The following CSMD1 variants were observed in gnomAD, a reference collection of about 807,000 sequenced individuals.
The protein encoded by CSMD1 is CUB and sushi domain-containing protein 1.
In CSMD1, 213 loss-of-function variants were observed where a neutral mutation model predicts 417.5. That is an observed-to-expected ratio of 0.51 (90% confidence interval 0.46 to 0.57). The LOEUF (loss-of-function observed/expected upper bound fraction) is 0.57, where lower values mean the gene tolerates loss of function less well. Ranked by LOEUF, CSMD1 falls within the 20% of genes least tolerant of loss-of-function variation. The pLI, the probability that CSMD1 is intolerant of heterozygous loss-of-function variation, is 0.00. For synonymous variants in CSMD1, 2,862 were observed against 1,736.8 expected, an observed-to-expected ratio of 1.65 and a Z score of -16.11; for missense variants, 6,923 against 4,529.7, an observed-to-expected ratio of 1.53 and a Z score of -15.17.
intron 6 of CSMD1, among the ~76,000 whole-genome samples, chr8:3,749,857 G>A (rs1797244082): frequency 6.6e-6 from 1 of 151,930 alleles, no homozygotes; most frequent in Admixed American, 6.6e-5. Flanking sequence ...GGTTCGCGGT[G>A]GTTGACAATG....
chr8:4,925,922 G>A (rs1292494914), intron 1 of CSMD1, among the ~76,000 whole-genome samples: 1 of 151,946 alleles, frequency 6.6e-6, no homozygotes, highest in Non-Finnish European at 1.5e-5. Context: ...TATTTCCCTG[G>A]TCATTTGATG....
At chr8:3,425,747 C>G (rs1172506558) in intron 12 of CSMD1, among the ~76,000 whole-genome samples, 1 of 152,090 alleles carries the variant, frequency 6.6e-6, no homozygotes, top group Non-Finnish European at 1.5e-5. Flanking sequence ...TTCGGATACC[C>G]TTTTTCTCTC....
chr8:3,347,622 A>G (rs1008712885), intron 22 of CSMD1, among the ~76,000 whole-genome samples: 6 of 152,216 alleles, frequency 3.9e-5, no homozygotes, highest in African/African-American at 1.2e-4. Flanking sequence ...TGTGCTAGAC[A>G]CAATGCTAGG....
At chr8:2,950,388 T>G (rs991813033) in intron 66 of CSMD1, 45 bp from the exon 67 acceptor site, 1 of 1,155,748 alleles carries the variant, frequency 8.7e-7, no homozygotes, top group Non-Finnish European at 1.3e-6. Flanking sequence ...AGAAAGTTAG[T>G]AATTCAGCCC....
intron 3 of CSMD1, among the ~76,000 whole-genome samples, chr8:4,121,500 A>G (rs1380459472): frequency 1.3e-5 from 2 of 152,156 alleles, no homozygotes; most frequent in Non-Finnish European, 2.9e-5. Flanking sequence ...TCTCACTATA[A>G]TAATATTAAT....
At chr8:3,957,718 A>AT (rs1734133472) in intron 5 of CSMD1, among the ~76,000 whole-genome samples, 1 of 114,012 alleles carries the variant, frequency 8.8e-6, no homozygotes, top group Admixed American at 9.4e-5. Flanking sequence ...AAAAGAGAAA[A>AT]GAAAAAGGAA....
chr8:3,332,418 A>T (rs991250070), intron 23 of CSMD1, among the ~76,000 whole-genome samples: 1 of 152,180 alleles, frequency 6.6e-6, no homozygotes, highest in East Asian at 1.9e-4. Context: ...TTAGCTGGGA[A>T]GAGGAGAGGA....
intron 2 of CSMD1, among the ~76,000 whole-genome samples, chr8:4,443,347 C>A (rs1008401912): frequency 1.3e-5 from 2 of 152,198 alleles, no homozygotes; most frequent in African/African-American, 2.4e-5. Context: ...AATATGCATA[C>A]ACACTGGTCT....
intron 10 of CSMD1, among the ~76,000 whole-genome samples, chr8:3,552,227 G>A (rs573590965): frequency 3.3e-5 from 5 of 152,212 alleles, no homozygotes; most frequent in African/African-American, 7.2e-5. Flanking sequence ...TAGAAAAAAG[G>A]GCTGAGGAAA....
chr8:4,702,035 A>T (rs941113239), intron 1 of CSMD1, among the ~76,000 whole-genome samples: 1 of 152,200 alleles, frequency 6.6e-6, no homozygotes, highest in Admixed American at 6.5e-5. Flanking sequence ...GCATCTTCTC[A>T]CTTATAAGTG....
intron 21 of CSMD1, among the ~76,000 whole-genome samples, chr8:3,358,140 G>C (rs1808919064): frequency 6.6e-6 from 1 of 152,112 alleles, no homozygotes; most frequent in South Asian, 2.1e-4. Context: ...GTTTTATATG[G>C]ACTGTTAAAT....
At chr8:4,944,626 G>T (rs1563832592) in intron 1 of CSMD1, among the ~76,000 whole-genome samples, 2 of 152,104 alleles carry the variant, frequency 1.3e-5, no homozygotes, top group Admixed American at 1.3e-4. Context: ...TATGCGGACT[G>T]GCCAACAAGC....
intron 1 of CSMD1, among the ~76,000 whole-genome samples, chr8:4,732,642 G>A (rs577573602): frequency 1.5e-4 from 23 of 152,130 alleles, no homozygotes; most frequent in East Asian, 7.7e-4. Flanking sequence ...CCTGGGAATC[G>A]TGAGCTCATC....
chr8:4,775,176 C>T (rs1796785893), intron 1 of CSMD1, among the ~76,000 whole-genome samples: 1 of 152,240 alleles, frequency 6.6e-6, no homozygotes, highest in South Asian at 2.1e-4. Flanking sequence ...ATATTCTCAA[C>T]ATCAACTAGA....
At chr8:3,067,305 T>C (rs141675083) in intron 49 of CSMD1, among the ~76,000 whole-genome samples, 58 of 152,232 alleles carry the variant, frequency 3.8e-4, no homozygotes, top group African/African-American at 1.3e-3. Context: ...CTCACTTCCT[T>C]TGTGCCTCAA....
At chr8:3,424,933 C>G (rs965332109) in intron 12 of CSMD1, among the ~76,000 whole-genome samples, 6 of 152,194 alleles carry the variant, frequency 3.9e-5, no homozygotes, top group Admixed American at 2.0e-4. Flanking sequence ...CTCCTGGGCT[C>G]AAGTGATCTT....
chr8:3,762,633 G>A (rs1798072462), intron 5 of CSMD1, among the ~76,000 whole-genome samples: 1 of 152,220 alleles, frequency 6.6e-6, no homozygotes, highest in South Asian at 2.1e-4. Flanking sequence ...CTTGTCTGTG[G>A]AAGGTATAAT....
chr8:4,316,752 G>A (rs918468032), intron 3 of CSMD1, among the ~76,000 whole-genome samples: 2 of 151,968 alleles, frequency 1.3e-5, no homozygotes, highest in Admixed American at 6.6e-5. Flanking sequence ...GAAAGTGGTC[G>A]AACGCCCCCA....
intron 10 of CSMD1, among the ~76,000 whole-genome samples, chr8:3,504,114 G>T (rs980053230): frequency 6.6e-6 from 1 of 152,020 alleles, no homozygotes; most frequent in African/African-American, 2.4e-5. Flanking sequence ...CCAACACAAA[G>T]AAATGATGAA....
Sources: allele counts gnomAD v4.1 joint callset (sites outside exome capture counted in the v4.1 genomes callset), GRCh38; gene constraint gnomAD v4.1.1; transcripts MANE v1.5; gene names NCBI Gene and HGNC (gene_info 2026-07-23, HGNC 2026-07-21).